The following SNX4 variants were observed in gnomAD, a reference collection of about 807,000 sequenced individuals.
SNX4 encodes sorting nexin-4.
SNX4 carries 49 observed loss-of-function variants against 70.8 expected under a neutral mutation model. The ratio of observed to expected loss-of-function variants is 0.69; its 90% CI spans 0.55 to 0.88. The LOEUF (loss-of-function observed/expected upper bound fraction) is 0.88, where lower values mean the gene tolerates loss of function less well. SNX4 is among the 40% of genes least tolerant of loss of function. SNX4 has a pLI of 0.00. For synonymous variants in SNX4, 206 were observed against 183.8 expected (o/e 1.12, Z -0.98); for missense variants, 528 against 544.8 (o/e 0.97, Z 0.31).
chr3:125,489,356 T>A lies in SNX4; in HGVS notation c.653+52A>T, dbSNP rs575604808. 14 of 1,313,518 alleles carry A rather than the reference T, an allele frequency of 1.1e-5. No homozygotes were observed. In the East Asian group the frequency reaches 3.2e-4, roughly 30 times the overall value. 81.4% of individuals were successfully genotyped at this position (1,313,518 alleles called of 1,614,324 possible). On this transcript the variant is annotated intron_variant, in intron 6 of 13. Coordinates refer to ENST00000251775, the MANE Select transcript of SNX4 (RefSeq NM_003794.4). Reference sequence around the variant, plus strand: ...TTCAGAAATGAAAAATTAAATAGATTGATAGCACCATTCAAAACAACATTG... The same window carrying A: ...TTCAGAAATGAAAAATTAAATAGATAGATAGCACCATTCAAAACAACATTG...
At chr3:125,473,171 C>T (rs989236779) in intron 8 of SNX4, among the ~76,000 whole-genome samples, 9 of 152,056 alleles carry the variant, frequency 5.9e-5, no homozygotes, top group Non-Finnish European at 1.2e-4. Flanking sequence ...GTTTGTCAAC[C>T]CTTGTCTCCT....
intron 8 of SNX4, among the ~76,000 whole-genome samples, chr3:125,475,742 C>T (rs574754933): frequency 4.6e-5 from 7 of 152,238 alleles, no homozygotes; most frequent in East Asian, 3.9e-4. Flanking sequence ...TATGGGGGGC[C>T]GAAGCCAATG....
At chr3:125,455,207 T>C (rs954235487) in intron 11 of SNX4, among the ~76,000 whole-genome samples, 4 of 152,202 alleles carry the variant, frequency 2.6e-5, no homozygotes, top group African/African-American at 9.6e-5. Flanking sequence ...GGTGTCGGGA[T>C]TGCCATTGTA....
At chr3:125,518,678 G>C (rs1363687089) in intron 1 of SNX4, among the ~76,000 whole-genome samples, 1 of 152,004 alleles carries the variant, frequency 6.6e-6, no homozygotes, top group Non-Finnish European at 1.5e-5. Flanking sequence ...ACCAGCCTGG[G>C]TAACATGGTG....
intron 10 of SNX4, among the ~76,000 whole-genome samples, chr3:125,458,159 G>T (rs1933772095): frequency 2.1e-5 from 3 of 145,842 alleles, no homozygotes; most frequent in Middle Eastern, 3.5e-3. Context: ...ATTTAGAAAT[G>T]TCTATTAGGT....
At chr3:125,484,267 C>G (rs1307825575) in intron 6 of SNX4, among the ~76,000 whole-genome samples, 1 of 152,104 alleles carries the variant, frequency 6.6e-6, no homozygotes, top group Non-Finnish European at 1.5e-5. Flanking sequence ...TTTCCATATT[C>G]TTTTTGAGAA....
At chr3:125,469,324 G>T in intron 9 of SNX4, 130 bp downstream of exon 9, 1 of 499,862 alleles carries the variant, frequency 2.0e-6, no homozygotes, top group Non-Finnish European at 3.6e-6. Context: ...ATAAATTTAA[G>T]TCAGATATGT....
At chr3:125,483,191 A>G (rs982289929) in intron 6 of SNX4, among the ~76,000 whole-genome samples, 1 of 151,166 alleles carries the variant, frequency 6.6e-6, no homozygotes, top group Non-Finnish European at 1.5e-5. Context: ...AAAATCTCAG[A>G]TAACTGTGAG....
intron 9 of SNX4, among the ~76,000 whole-genome samples, chr3:125,466,003 C>A (rs907890723): frequency 6.6e-6 from 1 of 152,128 alleles, no homozygotes; most frequent in Non-Finnish European, 1.5e-5. Flanking sequence ...GCCTTCCAAT[C>A]CATGAACATA....
chr3:125,514,296 T>C (rs1935229770), intron 1 of SNX4, among the ~76,000 whole-genome samples: 1 of 152,136 alleles, frequency 6.6e-6, no homozygotes, highest in South Asian at 2.1e-4. Flanking sequence ...ACATTAATTT[T>C]TAAATACAAC....
intron 8 of SNX4, 86 bp from the exon 9 acceptor site, chr3:125,469,605 A>G: frequency 3.2e-6 from 3 of 931,562 alleles, no homozygotes; most frequent in Non-Finnish European, 3.4e-6. Flanking sequence ...ATTCTTGTCT[A>G]GCTAGCTTTA....
chr3:125,451,735 T>C (rs1933579662), intron 12 of SNX4, among the ~76,000 whole-genome samples: 1 of 152,046 alleles, frequency 6.6e-6, no homozygotes, highest in South Asian at 2.1e-4. Flanking sequence ...TGAGCAATTC[T>C]CCTGCCTTAG....
intron 9 of SNX4, among the ~76,000 whole-genome samples, chr3:125,464,644 C>T (rs1933965356): frequency 7.4e-6 from 1 of 134,414 alleles, no homozygotes; most frequent in Non-Finnish European, 1.5e-5. Flanking sequence ...GATCATGACT[C>T]AACTGCAGCC....
At chr3:125,462,582 C>T (rs1344471509) in intron 9 of SNX4, among the ~76,000 whole-genome samples, 3 of 119,438 alleles carry the variant, frequency 2.5e-5, no homozygotes, top group African/African-American at 3.3e-5. Flanking sequence ...CAGAGTTAGA[C>T]TCTGTCTCAC....
chr3:125,494,668 C>T (rs977878684), intron 5 of SNX4, among the ~76,000 whole-genome samples: 5 of 152,102 alleles, frequency 3.3e-5, no homozygotes, highest in Non-Finnish European at 7.4e-5. Context: ...ATGGGATGTA[C>T]GTCTGGGATG....
intron 6 of SNX4, among the ~76,000 whole-genome samples, chr3:125,488,169 T>C (rs1457403713): frequency 3.6e-5 from 4 of 111,860 alleles, no homozygotes; most frequent in Non-Finnish European, 5.3e-5. Context: ...AAAAATAGTC[T>C]ATTAAAAAAA....
At chr3:125,499,286 G>A (rs1308493571) in intron 2 of SNX4, among the ~76,000 whole-genome samples, 2 of 152,160 alleles carry the variant, frequency 1.3e-5, no homozygotes, top group Non-Finnish European at 2.9e-5. Context: ...TAATTTGCTT[G>A]ACAATAACCT....
At position 125,453,911 on chromosome 3, in the gene SNX4, A is replaced by G. The variant is rs141423057; in HGVS notation, c.1089T>C (p.Phe363=). Residue 363 remains phenylalanine (F), a synonymous_variant, in exon 12 of 14, where the codon TTT becomes TTC. Transcript: ENST00000251775. Reference sequence around the variant, plus strand: ...CTCTCTGCTCTGGAGTTTCTTGACCAAAGAGCTTGGTAGTCATTCCCTTCA... The same window carrying G: ...CTCTCTGCTCTGGAGTTTCTTGACCGAAGAGCTTGGTAGTCATTCCCTTCA... ...FSLKGMTTKL[F]GQETPEQREA... 129 of 1,614,020 alleles carry G rather than the reference A, an allele frequency of 8.0e-5. No homozygotes were observed. In the Middle Eastern group the frequency reaches 7.3e-3, roughly 91 times the overall value.
intron 1 of SNX4, among the ~76,000 whole-genome samples, chr3:125,514,722 T>C (rs2107574944): frequency 6.6e-6 from 1 of 152,212 alleles, no homozygotes; most frequent in South Asian, 2.1e-4. Context: ...AAGGTCTTGC[T>C]CTGTCACCCA....
Sources: gnomAD v4.1 joint callset for allele counts (sites outside exome capture counted in the v4.1 genomes callset) on GRCh38, gnomAD v4.1.1 for gene constraint, MANE v1.5 for transcripts, NCBI Gene and HGNC (gene_info 2026-07-23, HGNC 2026-07-21) for gene names.